Variants in ZEB2 observed in about 807,000 individuals in gnomAD.
The protein encoded by ZEB2 is zinc finger E-box binding homeobox 2, also known as zinc finger E-box-binding homeobox 2.
In ZEB2, 6 loss-of-function variants were observed where a neutral mutation model predicts 99.9. That is an observed-to-expected ratio of 0.06 (90% confidence interval 0.03 to 0.12). The LOEUF is 0.12. ZEB2 is among the 10% of genes least tolerant of loss of function. The pLI is 1.00. For missense variants in ZEB2, 969 were observed against 1,502.8 expected, an observed-to-expected ratio of 0.64 and a Z score of 5.87; for synonymous variants, 517 against 542.5, an observed-to-expected ratio of 0.95 and a Z score of 0.65.
intron 2 of ZEB2, among the ~76,000 whole-genome samples, chr2:144,502,895 G>A (rs534951524): frequency 1.1e-3 from 167 of 150,666 alleles, no homozygotes; most frequent in African/African-American, 3.9e-3. Context: ...TACCCTTATA[G>A]GTATTCTTAT....
At position 144,398,914 on chromosome 2, in the gene ZEB2, A is replaced by G. The variant is rs1327269796; in HGVS notation, c.2273T>C (p.Leu758Pro). The change falls in exon 8 of 10, where the codon CTC becomes CCC. Residue 758 changes from leucine (L) to proline (P), a missense_variant. Physicochemically the swap from Leu to Pro is moderately conservative, Grantham distance 98. Around this residue, in one of 8 missense-constraint regions of ZEB2, gnomAD observed 346 missense variants for 460.0 expected, o/e 0.75. Coordinates refer to ENST00000627532, the MANE Select transcript of ZEB2 (RefSeq NM_014795.4). ...HNSVTNCDPP[L>P]RLTKPSHFTN... The stretch of plus-strand genomic sequence containing the variant: ...AAAATGGGAAGGTTTTGTTAGCCTG[A>G]GAGGAGGATCACAATTCGTAACACT... The G allele has an allele frequency of 1.2e-6, 2 of 1,614,066 alleles. No individual in the cohort carries two copies. Among genetic ancestry groups the G allele is most frequent in the South Asian group, 1.1e-5 (1 of 91,088 alleles).
chr2:144,394,989 C>CTTTTTT (rs869207772), intron 9 of ZEB2, among the ~76,000 whole-genome samples: 35 of 85,208 alleles, frequency 4.1e-4, no homozygotes, highest in Non-Finnish European at 6.0e-4. Flanking sequence ...CTTCCCTTCG[C>CTTTTTT]TTTTTTTTTT....
Position 144,429,925 on chromosome 2 carries a change from C to T in ZEB2, c.175G>A (p.Glu59Lys). ...DDGIANPLDQ[E>K]TSPASVPNHE... Reference sequence around the variant, plus strand: ...TTGGGCACACTAGCTGGACTCGTCTCCTGGTCCAGAGGGTTGGCAATACCG... The same window carrying T: ...TTGGGCACACTAGCTGGACTCGTCTTCTGGTCCAGAGGGTTGGCAATACCG... The change falls in exon 3 of 10, where the codon GAG becomes AAG. Residue 59 changes from glutamate (E) to lysine (K), a missense_variant. This residue lies in a region of ZEB2 where 173 missense variants were observed against 217.7 expected (regional missense o/e 0.79). Coordinates refer to ENST00000627532, the MANE Select transcript of ZEB2 (RefSeq NM_014795.4). The T allele has an allele frequency of 6.2e-7, 1 of 1,613,848 alleles. No homozygotes were observed. Among genetic ancestry groups the T allele is most frequent in the Non-Finnish European group, 8.5e-7 (1 of 1,179,894 alleles).
In ZEB2 at chr2:144,409,091, G is replaced by T. The variant is rs540604502; in HGVS notation, c.404-4067C>A. Among the ~76,000 whole-genome samples the T allele has an allele frequency of 2.4e-4, 36 of 152,264 alleles. No homozygotes were observed. In the South Asian group the frequency reaches 5.2e-3, roughly 22 times the overall value. On this transcript the variant is annotated intron_variant, in intron 4 of 9. Transcript: ENST00000627532. ...TGCATGTTCTGACAGTTCATTTCTA[G>T]CTCTTCTCGTTCCTGAGGCCGAGGT...
intron 2 of ZEB2, chr2:144,494,274 T>C (rs1400696177): frequency 1.3e-5 from 2 of 151,818 alleles, no homozygotes; most frequent in Non-Finnish European, 2.9e-5. Context: ...CTATGTCCTA[T>C]CATCAGTGAA....
rs1365495240 is a variant in ZEB2 at position 144,389,425 on chromosome 2, T to A, written c.*26A>T. 8.1e-6 allele frequency: 13 copies of A among 1,612,518 alleles called. No individual in the cohort carries two copies. The highest frequency in any genetic ancestry group is 1.3e-5 in the African/African-American group (1 of 74,800). On this transcript the variant is annotated 3_prime_UTR_variant, in exon 10 of 10. Coordinates refer to ENST00000627532, the MANE Select transcript of ZEB2 (RefSeq NM_014795.4). This position sits in a 1 kb window ranked among gnomAD's most constrained non-coding sequence, Gnocchi z 6.8. ...GTAACAATACTACTGGAAAAAAAAA[T>A]AGGAAGCTTAAAATGCAGTAGTTTA...
At chr2:144,515,303 G>A (rs569290926) in intron 2 of ZEB2, among the ~76,000 whole-genome samples, 2 of 152,098 alleles carry the variant, frequency 1.3e-5, no homozygotes, top group African/African-American at 4.8e-5. Flanking sequence ...ATACTTGTAA[G>A]AGGGGGAAAA....
At position 144,429,759 on chromosome 2, in the gene ZEB2, A is replaced by G; in HGVS notation, c.331+10T>C. The G allele has an allele frequency of 6.2e-7, 1 of 1,613,786 alleles. No homozygotes were observed. The stretch of plus-strand genomic sequence containing the variant: ...GTACAGGAAGAGGCCAAGTGATTTT[A>G]GACACTTACCTGGACCATCTACAGA... On this transcript the variant is annotated intron_variant, in intron 3 of 9. Transcript: ENST00000627532.
In ZEB2 at chr2:144,512,046, CCATT is replaced by C. The variant is rs777865043; in HGVS notation, c.73+5228_73+5231del. 5 of 1,287,168 alleles carry C rather than the reference CCATT, an allele frequency of 3.9e-6. No homozygotes were observed. In the South Asian group the frequency reaches 4.9e-5, roughly 13 times the overall value. The allele number at this position is 1,287,168 out of a possible 1,614,324, so 79.7% of individuals were successfully genotyped here. On this transcript the variant is annotated intron_variant, in intron 2 of 9. Coordinates refer to ENST00000627532, the MANE Select transcript of ZEB2 (RefSeq NM_014795.4). ...GCAATCAAAAAGGTGTCTGACTTGG[CCATT>C]CAGACAATTGCCCCCTTGTGGGAAT...
chr2:144,465,775 A>G (rs1704262563), intron 2 of ZEB2, among the ~76,000 whole-genome samples: 1 of 152,184 alleles, frequency 6.6e-6, no homozygotes, highest in Admixed American at 6.5e-5. Flanking sequence ...ATAAAAGGTA[A>G]CTTATTCAGT....
intron 2 of ZEB2, among the ~76,000 whole-genome samples, chr2:144,486,255 T>G (rs1248044811): frequency 6.6e-6 from 1 of 152,194 alleles, no homozygotes; most frequent in East Asian, 1.9e-4. Context: ...CTCTTCTGAC[T>G]AAATTTTTCA....
intron 4 of ZEB2, 115 bp from the exon 5 acceptor site, chr2:144,405,139 G>C: frequency 8.9e-7 from 1 of 1,127,352 alleles, no homozygotes; most frequent in South Asian, 1.3e-5. Flanking sequence ...ACAAAACCTA[G>C]TTTATTTGTA....
chr2:144,388,850 A>G lies in ZEB2; in HGVS notation c.*601T>C, dbSNP rs748374819. 3.7e-5 allele frequency: 17 copies of G among 459,906 alleles called. No individual in the cohort carries two copies. Among genetic ancestry groups the G allele is most frequent in the African/African-American group, 6.1e-5 (3 of 49,124 alleles). The allele number at this position is 459,906 out of a possible 1,614,324, so 28.5% of individuals were successfully genotyped here. A position where few individuals can be genotyped will look rare whatever the true frequency, so the allele number is the denominator to read the frequency against. On this transcript the variant is annotated 3_prime_UTR_variant, in exon 10 of 10. Transcript: ENST00000627532. This position sits in a 1 kb window ranked among gnomAD's most constrained non-coding sequence, Gnocchi z 5.4. ...GTCCAGGTCACTTTAAGACTTCGGT[A>G]TCTTAAATTCACACATGCATCACTT...
intron 2 of ZEB2, among the ~76,000 whole-genome samples, chr2:144,485,495 T>C (rs574385458): frequency 6.6e-6 from 1 of 152,332 alleles, no homozygotes; most frequent in African/African-American, 2.4e-5. Flanking sequence ...AGTGTTTGGA[T>C]GAGCAGAAAC....
rs531852159 is a variant in ZEB2 at position 144,446,665 on chromosome 2, T to G, written c.74-16639A>C. ...TTAATCAATCTACTCTCATTTTTTT[T>G]TCTTCTTTCAAAAACTTCCACATAT... On this transcript the variant is annotated intron_variant, in intron 2 of 9. Coordinates refer to ENST00000627532, the MANE Select transcript of ZEB2 (RefSeq NM_014795.4). 6.9e-4 allele frequency among the ~76,000 whole-genome samples: 105 copies of G among 152,244 alleles called. 1 individual carries two copies. The highest frequency in any genetic ancestry group is 2.5e-3 in the South Asian group (12 of 4,832).
Position 144,439,056 on chromosome 2 carries a change from G to T in ZEB2, c.74-9030C>A, listed in dbSNP as rs746084502. Reference sequence around the variant, plus strand: ...AATATTGAATAATTTCTGTCATGAGGCACTGACTACAGCCAGGCTCTAATT... The same window carrying T: ...AATATTGAATAATTTCTGTCATGAGTCACTGACTACAGCCAGGCTCTAATT... On this transcript the variant is annotated intron_variant, in intron 2 of 9. Transcript: ENST00000627532. Among the ~76,000 whole-genome samples the T allele has an allele frequency of 5.4e-4, 81 of 151,136 alleles. 1 individual carries two copies. The highest frequency in any genetic ancestry group is 9.1e-4 in the Non-Finnish European group (62 of 67,912).
intron 2 of ZEB2, among the ~76,000 whole-genome samples, chr2:144,430,308 T>C (rs997455141): frequency 4.6e-5 from 7 of 152,296 alleles, no homozygotes; most frequent in Non-Finnish European, 7.4e-5. Context: ...ATACTGCATA[T>C]GTAAAGAGAC....
At chr2:144,438,290 G>A (rs1018396201) in intron 2 of ZEB2, among the ~76,000 whole-genome samples, 7 of 152,174 alleles carry the variant, frequency 4.6e-5, no homozygotes, top group South Asian at 2.1e-4. Flanking sequence ...TGGAGGTACC[G>A]TAATGCTTCT....
At chr2:144,434,163 T>C (rs946219352) in intron 2 of ZEB2, among the ~76,000 whole-genome samples, 1 of 152,198 alleles carries the variant, frequency 6.6e-6, no homozygotes, top group Non-Finnish European at 1.5e-5. Flanking sequence ...AGAAACTCTA[T>C]TGATGTAAAG....
Sources: gnomAD v4.1 joint callset for allele counts (sites outside exome capture counted in the v4.1 genomes callset) on GRCh38, gnomAD v4.1.1 for gene constraint, gnomAD v4.1.1 regional missense constraint, Gnocchi (gnomAD v3.1) non-coding constraint, MANE v1.5 for transcripts, NCBI Gene and HGNC (gene_info 2026-07-23, HGNC 2026-07-21) for gene names.